Variants in ACSM1 observed in about 807,000 individuals in gnomAD.
The protein encoded by ACSM1 is acyl-coenzyme A synthetase ACSM1, mitochondrial.
Under a neutral mutation model 75.8 loss-of-function variants are expected in ACSM1, and 79 were observed. The observed-to-expected ratio is 1.04, with a 90% CI of 0.87 to 1.26. The LOEUF (loss-of-function observed/expected upper bound fraction) is 1.26. Ranked by LOEUF, ACSM1 falls within the 50% of genes most tolerant of loss-of-function variation. The probability of loss-of-function intolerance (pLI) is 0.00; values close to 1 mark genes in which losing one functional copy is unlikely to be tolerated. For synonymous variants in ACSM1, 279 were observed against 265.8 expected (o/e 1.05, Z -0.48); for missense variants, 676 against 720.1 (o/e 0.94, Z 0.70).
At chr16:20,672,099 T>C (rs775128960) in intron 4 of ACSM1, among the ~76,000 whole-genome samples, 1 of 151,932 alleles carries the variant, frequency 6.6e-6, no homozygotes, top group African/African-American at 2.4e-5. Context: ...GTAAGGAAAC[T>C]GAGACTCAGA....
chr16:20,624,118 G>A lies in ACSM1; in HGVS notation c.1625C>T (p.Ala542Val). ...ELQQHVKSVT[A>V]PYKYPRKVEF... ...CACCTTCCTTGGGTACTTGTATGGG[G>A]CTGTCACTGACTTGACATGCTGCTG... Residue 542 changes from alanine to valine, a missense_variant, in exon 13 of 14, where the codon GCC (alanine) becomes GTC (valine). By Grantham distance (64) the Ala-to-Val change is moderately conservative. Coordinates refer to ENST00000520010, the MANE Select transcript of ACSM1 (RefSeq NM_001318890.3). 1 of 1,612,868 alleles carries A rather than the reference G, an allele frequency of 6.2e-7. No homozygotes were observed. Among genetic ancestry groups the A allele is most frequent in the Non-Finnish European group, 8.5e-7 (1 of 1,179,184 alleles).
At chr16:20,631,425 G>A (rs2017338231) in intron 10 of ACSM1, among the ~76,000 whole-genome samples, 1 of 152,236 alleles carries the variant, frequency 6.6e-6, no homozygotes, top group African/African-American at 2.4e-5. Context: ...TGGTGGGAAT[G>A]TAAATTAGTA....
intron 4 of ACSM1, chr16:20,673,947 A>G (rs1431924186): frequency 3.4e-6 from 1 of 291,626 alleles, no homozygotes; most frequent in East Asian, 9.4e-5. Context: ...AATTTTACAG[A>G]TAAAGCAACT....
chr16:20,650,966 C>T (rs938204003), intron 7 of ACSM1, among the ~76,000 whole-genome samples: 2 of 152,128 alleles, frequency 1.3e-5, no homozygotes, highest in Admixed American at 1.3e-4. Flanking sequence ...TGCAAGCTGG[C>T]AAAGTTGTAT....
At chr16:20,666,249 G>T (rs1337653819) in intron 6 of ACSM1, among the ~76,000 whole-genome samples, 1 of 152,040 alleles carries the variant, frequency 6.6e-6, no homozygotes, top group Non-Finnish European at 1.5e-5. Flanking sequence ...CTCTACCAAA[G>T]GGTTCCTGGA....
intron 2 of ACSM1, among the ~76,000 whole-genome samples, chr16:20,685,819 CA>C (rs71842093): frequency 1.0e-4 from 5 of 50,194 alleles, no homozygotes; most frequent in South Asian, 1.7e-3. Context: ...GACTCCGTCT[CA>C]AAAAAAAAAA....
chr16:20,634,767 C>T (rs994741021), intron 10 of ACSM1, among the ~76,000 whole-genome samples: 1 of 152,020 alleles, frequency 6.6e-6, no homozygotes, highest in South Asian at 2.1e-4. Flanking sequence ...GATGGGTAAT[C>T]GTGATGGCTG....
Position 20,636,859 on chromosome 16 carries a change from G to A in ACSM1, c.1198-19C>T, listed in dbSNP as rs767109007. The A allele has an allele frequency of 5.0e-6, 8 of 1,597,282 alleles. No individual in the cohort carries two copies. The East Asian group carries it at 1.8e-4, about 36-fold the overall frequency. On this transcript the variant is annotated intron_variant, in intron 9 of 13. Coordinates refer to ENST00000520010, the MANE Select transcript of ACSM1 (RefSeq NM_001318890.3). The stretch of plus-strand genomic sequence containing the variant: ...CAATGACCTGTAGCAAGAGGCCTGT[G>A]AATCATACACTGCAGGAGGCCGCAG...
chr16:20,675,447 C>T (rs964822679), intron 4 of ACSM1, among the ~76,000 whole-genome samples: 5 of 152,254 alleles, frequency 3.3e-5, no homozygotes, highest in East Asian at 1.9e-4. Context: ...GGGAAAGGCA[C>T]GTTCCTGGCT....
chr16:20,675,438 G>A (rs910355875), intron 4 of ACSM1, among the ~76,000 whole-genome samples: 4 of 152,126 alleles, frequency 2.6e-5, no homozygotes, highest in Admixed American at 2.0e-4. Context: ...TCTGTGGCAG[G>A]GAAAGGCACG....
At chr16:20,637,801 G>C (rs1257944078) in intron 8 of ACSM1, among the ~76,000 whole-genome samples, 1 of 152,242 alleles carries the variant, frequency 6.6e-6, no homozygotes, top group Non-Finnish European at 1.5e-5. Context: ...GTGTCAGTTT[G>C]CTAGGGGAAG....
intron 12 of ACSM1, among the ~76,000 whole-genome samples, chr16:20,625,211 T>C (rs1425683712): frequency 3.3e-5 from 5 of 152,204 alleles, no homozygotes; most frequent in Non-Finnish European, 2.9e-5. Flanking sequence ...GTTAAGTGAT[T>C]TGGCATATAT....
chr16:20,678,522 A>G (rs2152297020), intron 4 of ACSM1, among the ~76,000 whole-genome samples: 1 of 152,328 alleles, frequency 6.6e-6, no homozygotes, highest in African/African-American at 2.4e-5. Context: ...GGCTATCAGT[A>G]CATGTTGGTG....
chr16:20,630,095 A>G (rs1478095848), intron 10 of ACSM1, among the ~76,000 whole-genome samples: 2 of 150,784 alleles, frequency 1.3e-5, no homozygotes, highest in African/African-American at 4.9e-5. Context: ...GTGGGTTGTT[A>G]TACTAATATC....
chr16:20,647,294 G>A (rs1421866962), intron 7 of ACSM1, among the ~76,000 whole-genome samples: 1 of 152,202 alleles, frequency 6.6e-6, no homozygotes, highest in Non-Finnish European at 1.5e-5. Context: ...CCCAGTATGA[G>A]CCATGAGCCA....
intron 8 of ACSM1, among the ~76,000 whole-genome samples, chr16:20,639,956 C>T (rs2017952864): frequency 6.6e-6 from 1 of 152,200 alleles, no homozygotes; most frequent in African/African-American, 2.4e-5. Context: ...CATGCCTCCG[C>T]CACAATTTTC....
At chr16:20,646,724 A>C (rs1272227561) in intron 7 of ACSM1, among the ~76,000 whole-genome samples, 1 of 152,234 alleles carries the variant, frequency 6.6e-6, no homozygotes, top group Non-Finnish European at 1.5e-5. Context: ...AATTAGGAGA[A>C]GGAAAAAGGG....
At chr16:20,635,604 CTTTCTTTCTTTCTTTCTTTCTTTCT>C (rs2017640249) in intron 10 of ACSM1, among the ~76,000 whole-genome samples, 1 of 78,750 alleles carries the variant, frequency 1.3e-5, no homozygotes, top group East Asian at 9.0e-4. Context: ...TTCTTTCTTT[CTTTCTTTCTTTCTTTCTTTCTTTCT>C]TTCTTTCTTT....
intron 5 of ACSM1, 50 bp from the exon 6 acceptor site, chr16:20,670,036 T>G: frequency 6.3e-7 from 1 of 1,590,624 alleles, no homozygotes; most frequent in African/African-American, 1.3e-5. Flanking sequence ...GCTGATGTGA[T>G]GAAGGGCTGT....
Sources: gnomAD v4.1 joint callset for allele counts (sites outside exome capture counted in the v4.1 genomes callset) on GRCh38, gnomAD v4.1.1 for gene constraint, MANE v1.5 for transcripts, NCBI Gene and HGNC (gene_info 2026-07-23, HGNC 2026-07-21) for gene names.